The following ACYP2 variants were observed in gnomAD, a reference collection of about 807,000 sequenced individuals.
ACYP2 encodes the protein acylphosphatase 2, also known as acylphosphatase-2.
In ACYP2, 12 loss-of-function variants were observed where a neutral mutation model predicts 11.2. That is an observed-to-expected ratio of 1.08 (90% CI 0.69 to 1.74). The LOEUF (loss-of-function observed/expected upper bound fraction) is 1.74. ACYP2 is among the 40% of genes most tolerant of loss of function. The probability of loss-of-function intolerance (pLI) is 0.00; values close to 1 mark genes in which losing one functional copy is unlikely to be tolerated. For missense variants in ACYP2, 134 were observed against 101.9 expected, an observed-to-expected ratio of 1.31 and a Z score of -1.35; for synonymous variants, 43 against 32.2, an observed-to-expected ratio of 1.33 and a Z score of -1.13.
chr2:54,115,743 C>T, intron 4 of ACYP2: 1 of 1,612,658 alleles, frequency 6.2e-7, no homozygotes, highest in Non-Finnish European at 8.5e-7. Flanking sequence ...ACGAGGTGTT[C>T]GGAAGAGTGC....
At chr2:54,284,633 TATC>T (rs1428923450) in intron 6 of ACYP2, among the ~76,000 whole-genome samples, 9 of 152,314 alleles carry the variant, frequency 5.9e-5, no homozygotes, top group South Asian at 4.1e-4. Context: ...TATGCTCTTG[TATC>T]TACAATTGTT....
In ACYP2 at chr2:54,053,801, C is replaced by G. The variant is rs536310527; in HGVS notation, c.155+2751C>G. 4.6e-5 allele frequency among the ~76,000 whole-genome samples: 7 copies of G among 152,306 alleles called. No individual in the cohort carries two copies. In the South Asian group the frequency reaches 1.4e-3, roughly 32 times the overall value. The stretch of plus-strand genomic sequence containing the variant: ...TCTTTAGAGTCACTCTCCTATCTTT[C>G]TTTACTCAGTAATTCTTTATATTAA... On this transcript the variant is annotated intron_variant, in intron 3 of 6. Coordinates refer to ENST00000607452, the MANE Select transcript of ACYP2 (RefSeq NM_001320586.2).
chr2:54,095,642 C>T (rs1365946673), intron 4 of ACYP2, among the ~76,000 whole-genome samples: 1 of 144,276 alleles, frequency 6.9e-6, no homozygotes, highest in African/African-American at 2.6e-5. Flanking sequence ...CCAGATGGGG[C>T]GGCTGGCCGC....
intron 2 of ACYP2, among the ~76,000 whole-genome samples, chr2:53,976,550 G>A (rs945974744): frequency 6.6e-6 from 1 of 152,156 alleles, no homozygotes; most frequent in Non-Finnish European, 1.5e-5. Context: ...ATGATTCATT[G>A]CAATGTAATT....
intron 6 of ACYP2, among the ~76,000 whole-genome samples, chr2:54,219,672 G>A (rs1685699698): frequency 6.6e-6 from 1 of 151,854 alleles, no homozygotes; most frequent in Admixed American, 6.6e-5. Flanking sequence ...AGGCTGGAGT[G>A]CAGTGAGGCG....
intron 6 of ACYP2, among the ~76,000 whole-genome samples, chr2:54,207,173 A>ATGTGGGTGTGTGTGTGTGTG (rs1685108464): frequency 7.2e-6 from 1 of 138,650 alleles, no homozygotes; most frequent in Non-Finnish European, 1.5e-5. Flanking sequence ...CAACATGTAT[A>ATGTGGGTGTGTGTGTGTGTG]TGTGTGTGTG....
chr2:54,082,161 G>A (rs1410707606), intron 4 of ACYP2, among the ~76,000 whole-genome samples: 1 of 152,142 alleles, frequency 6.6e-6, no homozygotes, highest in Admixed American at 6.5e-5. Flanking sequence ...CTCTAATGAT[G>A]CAGCTGAATT....
chr2:54,065,363 TG>T (rs1676693159), intron 4 of ACYP2: 2 of 396,740 alleles, frequency 5.0e-6, no homozygotes, highest in Non-Finnish European at 4.4e-6. Context: ...GATAATTTAA[TG>T]GCTGATCAAA....
At chr2:54,048,702 G>A (rs540514293) in intron 2 of ACYP2, among the ~76,000 whole-genome samples, 77 of 152,284 alleles carry the variant, frequency 5.1e-4, no homozygotes, top group African/African-American at 1.7e-3. Context: ...AGTATTAAAT[G>A]CATTCACATA....
chr2:54,124,513 A>G (rs868703586), intron 4 of ACYP2, among the ~76,000 whole-genome samples: 6 of 152,072 alleles, frequency 3.9e-5, no homozygotes, highest in Admixed American at 6.5e-5. Flanking sequence ...AATCTTTTCT[A>G]TATGATTTAT....
chr2:54,098,045 C>G (rs1266373595), intron 4 of ACYP2, among the ~76,000 whole-genome samples: 1 of 150,188 alleles, frequency 6.7e-6, no homozygotes, highest in Non-Finnish European at 1.5e-5. Context: ...TCACTGCAAT[C>G]TCCACTTCCC....
intron 6 of ACYP2, among the ~76,000 whole-genome samples, chr2:54,221,024 G>T (rs1403539295): frequency 6.6e-6 from 1 of 152,226 alleles, no homozygotes; most frequent in African/African-American, 2.4e-5. Flanking sequence ...TGTTAGTGAT[G>T]TGATATAAAG....
intron 2 of ACYP2, among the ~76,000 whole-genome samples, chr2:54,023,485 T>C (rs749988480): frequency 6.6e-6 from 1 of 152,140 alleles, no homozygotes; most frequent in African/African-American, 2.4e-5. Flanking sequence ...TAGTCAAAGT[T>C]TGAGAATTTC....
intron 2 of ACYP2, among the ~76,000 whole-genome samples, chr2:54,007,538 C>T (rs1377785933): frequency 6.6e-6 from 1 of 151,898 alleles, no homozygotes; most frequent in Non-Finnish European, 1.5e-5. Context: ...CAGGCGTGAG[C>T]CACCGTGCCA....
chr2:54,153,050 G>A (rs1016122548), intron 6 of ACYP2, among the ~76,000 whole-genome samples: 1 of 151,972 alleles, frequency 6.6e-6, no homozygotes, highest in Non-Finnish European at 1.5e-5. Context: ...TAATTATAGG[G>A]TACACAGTTT....
At chr2:53,994,729 A>G (rs1304009540) in intron 2 of ACYP2, among the ~76,000 whole-genome samples, 1 of 152,164 alleles carries the variant, frequency 6.6e-6, no homozygotes, top group East Asian at 1.9e-4. Context: ...CTACTATAGG[A>G]TAGCAATTTT....
intron 6 of ACYP2, among the ~76,000 whole-genome samples, chr2:54,279,972 G>T (rs747379901): frequency 5.9e-5 from 9 of 152,122 alleles, no homozygotes; most frequent in Non-Finnish European, 1.0e-4. Context: ...CCCATTTTAA[G>T]ATAAACTTCA....
At chr2:54,186,685 T>C in intron 6 of ACYP2, among the ~76,000 whole-genome samples, 1 of 151,944 alleles carries the variant, frequency 6.6e-6, no homozygotes, top group East Asian at 1.9e-4. Flanking sequence ...GGCTAATTTT[T>C]GTATTTTTAG....
chr2:54,246,479 T>C (rs947087223), intron 6 of ACYP2, among the ~76,000 whole-genome samples: 7 of 152,264 alleles, frequency 4.6e-5, no homozygotes, highest in Admixed American at 3.3e-4. Context: ...AAGTATTTCA[T>C]CTTTTTCTGT....
Sources: allele counts gnomAD v4.1 joint callset (sites outside exome capture counted in the v4.1 genomes callset), GRCh38; gene constraint gnomAD v4.1.1; transcripts MANE v1.5; gene names NCBI Gene and HGNC (gene_info 2026-07-23, HGNC 2026-07-21).